ST6GALNAC3: variants seen among roughly 807,000 people sequenced by gnomAD.
ST6GALNAC3 encodes alpha-N-acetylgalactosaminide alpha-2,6-sialyltransferase 3.
A neutral mutation model predicts 32.7 loss-of-function variants in ST6GALNAC3; 25 were observed. The ratio of observed to expected loss-of-function variants is 0.76; its 90% CI spans 0.56 to 1.07. The LOEUF (loss-of-function observed/expected upper bound fraction) is 1.07, where lower values mean the gene tolerates loss of function less well. Among genes scored for constraint, ST6GALNAC3 ranks in the 50% least tolerant of loss-of-function variants. The pLI is 0.00. For missense variants in ST6GALNAC3, 355 were observed against 382.4 expected, an observed-to-expected ratio of 0.93 and a Z score of 0.60; for synonymous variants, 129 against 133.1, an observed-to-expected ratio of 0.97 and a Z score of 0.21.
intron 3 of ST6GALNAC3, among the ~76,000 whole-genome samples, chr1:76,469,533 T>C (rs1658879870): frequency 6.6e-6 from 1 of 152,120 alleles, no homozygotes; most frequent in Non-Finnish European, 1.5e-5. Flanking sequence ...ATTTCTCTTC[T>C]TATAAGAGTT....
At chr1:76,161,578 A>G (rs556957949) in intron 1 of ST6GALNAC3, among the ~76,000 whole-genome samples, 2 of 152,202 alleles carry the variant, frequency 1.3e-5, no homozygotes, top group Non-Finnish European at 2.9e-5. Context: ...GATGCTTTAC[A>G]TACTCTACTG....
At chr1:76,322,753 A>AC (rs1157550936) in intron 2 of ST6GALNAC3, among the ~76,000 whole-genome samples, 10 of 106,480 alleles carry the variant, frequency 9.4e-5, no homozygotes, top group East Asian at 2.8e-4. Context: ...ACTGCCCCCC[A>AC]CCCCCCCACA....
intron 1 of ST6GALNAC3, among the ~76,000 whole-genome samples, chr1:76,190,764 A>C (rs1048361465): frequency 6.6e-6 from 1 of 152,242 alleles, no homozygotes; most frequent in Non-Finnish European, 1.5e-5. Context: ...TTGAGATTCC[A>C]TCTGCCATTG....
At chr1:76,251,115 A>G (rs1657587431) in intron 1 of ST6GALNAC3, among the ~76,000 whole-genome samples, 1 of 151,824 alleles carries the variant, frequency 6.6e-6, no homozygotes, top group Non-Finnish European at 1.5e-5. Flanking sequence ...CGCCTTTTCC[A>G]CCTTCAACAA....
intron 1 of ST6GALNAC3, among the ~76,000 whole-genome samples, chr1:76,122,643 C>A (rs1189129280): frequency 6.6e-6 from 1 of 152,114 alleles, no homozygotes; most frequent in Non-Finnish European, 1.5e-5. Context: ...TTTGCATATC[C>A]CAGAATTGCT....
At chr1:76,358,684 T>C (rs775164007) in intron 2 of ST6GALNAC3, among the ~76,000 whole-genome samples, 2 of 152,164 alleles carry the variant, frequency 1.3e-5, no homozygotes, top group Non-Finnish European at 2.9e-5. Flanking sequence ...TATTGCCTTA[T>C]TTCCCTGGGT....
At chr1:76,573,664 C>CTT (rs35242060) in intron 3 of ST6GALNAC3, among the ~76,000 whole-genome samples, 28,343 of 147,518 alleles carry the variant, frequency 0.19, 2,994 homozygotes, top group African/African-American at 0.28. Flanking sequence ...CTTTCTTCTC[C>CTT]TTTTTTTTTT....
At chr1:76,529,085 G>A (rs1293296046) in intron 3 of ST6GALNAC3, among the ~76,000 whole-genome samples, 2 of 151,766 alleles carry the variant, frequency 1.3e-5, no homozygotes, top group African/African-American at 2.4e-5. Context: ...GAAGATGAAG[G>A]CTGATTGGTG....
chr1:76,418,325 A>C lies in ST6GALNAC3; in HGVS notation c.623+5908A>C, dbSNP rs141671435. Among the ~76,000 whole-genome samples the C allele has an allele frequency of 2.0e-5, 3 of 152,258 alleles. No individual in the cohort carries two copies. In the East Asian group the frequency reaches 5.8e-4, roughly 29 times the overall value. On this transcript the variant is annotated intron_variant, in intron 3 of 4. Transcript: ENST00000328299. ...CTTGAAAATTTGGGAATCCTCTTGTAGGTCCCTCTGTCAACACACAAGGAA... is the reference window on the plus strand; with the variant it reads ...CTTGAAAATTTGGGAATCCTCTTGTCGGTCCCTCTGTCAACACACAAGGAA...
intron 3 of ST6GALNAC3, among the ~76,000 whole-genome samples, chr1:76,604,765 G>A (rs1010660138): frequency 6.6e-6 from 1 of 152,072 alleles, no homozygotes; most frequent in East Asian, 1.9e-4. Context: ...CTTGGTCTCT[G>A]GATTCTCCAT....
chr1:76,464,914 A>G (rs1450114358), intron 3 of ST6GALNAC3, among the ~76,000 whole-genome samples: 4 of 152,042 alleles, frequency 2.6e-5, no homozygotes, highest in Non-Finnish European at 1.5e-5. Context: ...CATCTCCCCA[A>G]ATCTCTTTCT....
intron 2 of ST6GALNAC3, among the ~76,000 whole-genome samples, chr1:76,338,024 G>T (rs1300218266): frequency 6.6e-6 from 1 of 152,106 alleles, no homozygotes; most frequent in Non-Finnish European, 1.5e-5. Flanking sequence ...CTCTATCTTG[G>T]ACCTTTTAGT....
intron 1 of ST6GALNAC3, among the ~76,000 whole-genome samples, chr1:76,177,880 AT>A (rs1478228498): frequency 6.6e-6 from 1 of 152,160 alleles, no homozygotes; most frequent in Non-Finnish European, 1.5e-5. Flanking sequence ...TGACGGGGCC[AT>A]TTTCTCACAG....
intron 3 of ST6GALNAC3, among the ~76,000 whole-genome samples, chr1:76,420,146 G>C (rs987447524): frequency 4.6e-5 from 7 of 151,946 alleles, no homozygotes; most frequent in Non-Finnish European, 1.0e-4. Flanking sequence ...CAAGCCACCT[G>C]CTGACCCAAA....
intron 1 of ST6GALNAC3, among the ~76,000 whole-genome samples, chr1:76,104,610 C>CTTT (rs11430411): frequency 7.4e-6 from 1 of 134,498 alleles, no homozygotes. Flanking sequence ...TGGCCTGACG[C>CTTT]TTTTTTTTTT....
chr1:76,311,199 A>G (rs1056825104), intron 1 of ST6GALNAC3, among the ~76,000 whole-genome samples: 3 of 151,870 alleles, frequency 2.0e-5, no homozygotes, highest in African/African-American at 7.3e-5. Flanking sequence ...CTGCCTACCT[A>G]TACTCTCTCC....
chr1:76,309,195 G>A (rs534257948), intron 1 of ST6GALNAC3, among the ~76,000 whole-genome samples: 101 of 152,224 alleles, frequency 6.6e-4, no homozygotes, highest in Middle Eastern at 6.8e-3. Flanking sequence ...TGGTATTATA[G>A]TGTTCTATTT....
At chr1:76,416,906 G>A (rs1056811632) in intron 3 of ST6GALNAC3, among the ~76,000 whole-genome samples, 3 of 152,118 alleles carry the variant, frequency 2.0e-5, no homozygotes, top group African/African-American at 4.8e-5. Context: ...GATTACAGGC[G>A]TGAGCCACCA....
At chr1:76,340,161 T>C (rs773346673) in intron 2 of ST6GALNAC3, among the ~76,000 whole-genome samples, 1 of 152,218 alleles carries the variant, frequency 6.6e-6, no homozygotes, top group Non-Finnish European at 1.5e-5. Flanking sequence ...CATCATTGCA[T>C]GGTCCCTCGG....
Sources: gnomAD v4.1 joint callset for allele counts (sites outside exome capture counted in the v4.1 genomes callset) on GRCh38, gnomAD v4.1.1 for gene constraint, MANE v1.5 for transcripts, NCBI Gene and HGNC (gene_info 2026-07-23, HGNC 2026-07-21) for gene names.